YIPF1: variants seen among roughly 807,000 people sequenced by gnomAD.
YIPF1 encodes protein YIPF1.
YIPF1 carries 22 observed loss-of-function variants against 37.0 expected under a neutral mutation model. The ratio of observed to expected loss-of-function variants is 0.59; its 90% CI spans 0.42 to 0.85. The LOEUF (loss-of-function observed/expected upper bound fraction) is 0.85. Ranked by LOEUF, YIPF1 falls within the 40% of genes least tolerant of loss-of-function variation. The pLI, the probability that YIPF1 is intolerant of heterozygous loss-of-function variation, is 0.00. For synonymous variants in YIPF1, 128 were observed against 131.9 expected (o/e 0.97, Z 0.21); for missense variants, 355 against 373.1 (o/e 0.95, Z 0.40).
At chr1:53,885,689 T>G (rs1251065592) in intron 3 of YIPF1, among the ~76,000 whole-genome samples, 2 of 150,978 alleles carry the variant, frequency 1.3e-5, no homozygotes, top group Admixed American at 6.6e-5. Context: ...GGCATGTTGG[T>G]GGACACGTGT....
At chr1:53,865,502 G>A (rs1161570023) in intron 9 of YIPF1, among the ~76,000 whole-genome samples, 1 of 152,138 alleles carries the variant, frequency 6.6e-6, no homozygotes, top group Non-Finnish European at 1.5e-5. Flanking sequence ...ATGATGTAAA[G>A]CACATAGGAG....
intron 5 of YIPF1, 56 bp from the exon 6 acceptor site, chr1:53,878,458 A>G (rs1557609210): frequency 6.4e-7 from 1 of 1,572,556 alleles, no homozygotes; most frequent in East Asian, 2.2e-5. Context: ...AATAAATTCA[A>G]CTACTACAAA....
intron 4 of YIPF1, among the ~76,000 whole-genome samples, chr1:53,881,654 A>G (rs943905140): frequency 6.6e-6 from 1 of 152,244 alleles, no homozygotes; most frequent in African/African-American, 2.4e-5. Flanking sequence ...CAAAACCACA[A>G]TGAGACACCA....
At chr1:53,874,319 T>C (rs767168116) in intron 6 of YIPF1, among the ~76,000 whole-genome samples, 1 of 152,200 alleles carries the variant, frequency 6.6e-6, no homozygotes, top group Non-Finnish European at 1.5e-5. Context: ...ATTCCTACTC[T>C]TATTATGGGT....
At chr1:53,875,191 A>G (rs569202276) in intron 6 of YIPF1, among the ~76,000 whole-genome samples, 2 of 152,266 alleles carry the variant, frequency 1.3e-5, no homozygotes, top group East Asian at 1.9e-4. Flanking sequence ...GCCACACTTA[A>G]TATCAATGTT....
At chr1:53,876,396 A>G (rs566568707) in intron 6 of YIPF1, among the ~76,000 whole-genome samples, 10 of 152,156 alleles carry the variant, frequency 6.6e-5, no homozygotes, top group African/African-American at 2.4e-4. Context: ...TTTTCCTTAC[A>G]CTCTGTAAAT....
intron 6 of YIPF1, among the ~76,000 whole-genome samples, chr1:53,874,130 C>G (rs1000509654): frequency 4.6e-5 from 7 of 152,102 alleles, no homozygotes; most frequent in Admixed American, 3.3e-4. Context: ...CTTCACTGAA[C>G]CTCCACTGCT....
chr1:53,857,606 T>G (rs551992656), intron 10 of YIPF1, among the ~76,000 whole-genome samples: 1 of 152,288 alleles, frequency 6.6e-6, no homozygotes, highest in South Asian at 2.1e-4. Context: ...AGCCCAGATT[T>G]ACTCAGCCCA....
At position 53,871,426 on chromosome 1, in the gene YIPF1, A is replaced by G; in HGVS notation, c.427T>C (p.Phe143Leu). 6.2e-7 allele frequency: 1 copy of G among 1,614,162 alleles called. No individual in the cohort carries two copies. Among genetic ancestry groups the G allele is most frequent in the Non-Finnish European group, 8.5e-7 (1 of 1,179,996 alleles). Reference protein sequence around the residue: ...AIAISGNLSNFLIHLGEKTYH... With the variant: ...AIAISGNLSNLLIHLGEKTYH... ...GTCTTCTCTCCCAGATGGATCAAGA[A>G]GTTGGAAAGATTCCCACTAATTGCT... is the stretch of plus-strand genomic sequence containing the variant. Residue 143 changes from phenylalanine to leucine, a missense_variant, in exon 7 of 11, where the codon TTC (phenylalanine) becomes CTC (leucine). Transcript: ENST00000072644.
intron 4 of YIPF1, among the ~76,000 whole-genome samples, chr1:53,879,536 A>G (rs931738267): frequency 1.2e-4 from 18 of 152,246 alleles, no homozygotes; most frequent in African/African-American, 4.3e-4. Context: ...TATTGAGAAG[A>G]GGCACCTGAG....
At chr1:53,865,411 A>ATACAGT (rs1649992612) in intron 9 of YIPF1, among the ~76,000 whole-genome samples, 1 of 152,206 alleles carries the variant, frequency 6.6e-6, no homozygotes, top group African/African-American at 2.4e-5. Context: ...TGACAATAAA[A>ATACAGT]ATAATACACA....
chr1:53,858,540 T>C (rs551277220), intron 10 of YIPF1, among the ~76,000 whole-genome samples: 1 of 152,326 alleles, frequency 6.6e-6, no homozygotes, highest in East Asian at 1.9e-4. Flanking sequence ...TTATATAGTT[T>C]GTGTCATTCT....
rs548883383 is a variant in YIPF1, at chr1:53,876,033, A to G, written c.364+2282T>C. ...CTGCTGTATCTCCAGTACAATAGCA[A>G]GAGCTCAATGTTTGTTGAATGAATT... On this transcript the variant is annotated intron_variant, in intron 6 of 10. Transcript: ENST00000072644. Among the ~76,000 whole-genome samples the G allele has an allele frequency of 9.9e-5, 15 of 152,232 alleles. No homozygotes were observed. In the East Asian group the frequency reaches 2.9e-3, roughly 29 times the overall value.
chr1:53,882,999 T>C, intron 4 of YIPF1, 114 bp downstream of exon 4: 4 of 1,245,628 alleles, frequency 3.2e-6, no homozygotes, highest in Non-Finnish European at 4.3e-6. Flanking sequence ...CATGTGTCAT[T>C]TACCTCTGAG....
chr1:53,870,085 T>C (rs1323045814), intron 7 of YIPF1, among the ~76,000 whole-genome samples: 5 of 150,860 alleles, frequency 3.3e-5, no homozygotes, highest in Admixed American at 3.3e-4. Flanking sequence ...GGTCTCGAAC[T>C]CCTGACCTTG....
rs1157625690 is a variant in YIPF1, at chr1:53,866,337, T to C, written c.694A>G (p.Met232Val). 12 of 1,614,010 alleles carry C rather than the reference T, an allele frequency of 7.4e-6. No individual in the cohort carries two copies. The Admixed American group carries it at 1.8e-4, about 25-fold the overall frequency. ...PQKAVRWILV[M>V]IALGISGSLL... is the part of the protein sequence containing the mutation. ...GATCCTGAGATGCCCAGGGCAATCA[T>C]GACTAGAATCCAACGAACAGCTTTC... The change falls in exon 9 of 11, where the codon ATG becomes GTG. Residue 232 changes from methionine to valine, a missense_variant. Physicochemically the swap from Met to Val is conservative, Grantham distance 21 (BLOSUM62 1). Transcript: ENST00000072644.
intron 6 of YIPF1, among the ~76,000 whole-genome samples, chr1:53,874,232 A>C (rs1569634034): frequency 6.6e-6 from 1 of 151,524 alleles, no homozygotes; most frequent in African/African-American, 2.4e-5. Flanking sequence ...GGAAGGCTGG[A>C]CTCCAGAGAC....
chr1:53,888,988 TA>T lies in YIPF1; in HGVS notation c.-49-3del. On this transcript the variant is annotated splice_region_variant and splice_polypyrimidine_tract_variant and intron_variant, in intron 2 of 10. Coordinates refer to ENST00000072644, the MANE Select transcript of YIPF1 (RefSeq NM_018982.5). ...ATGAGGAAGAAAATTTGCAGGGTTCTAAAAGAAAAAAATAGGTAAACATAAT... is the reference window on the plus strand; with the variant it reads ...ATGAGGAAGAAAATTTGCAGGGTTCTAAAGAAAAAAATAGGTAAACATAAT... 6.4e-7 allele frequency: 1 copy of T among 1,551,962 alleles called. No individual in the cohort carries two copies. The highest frequency in any genetic ancestry group is 8.9e-7 in the Non-Finnish European group (1 of 1,127,162).
At chr1:53,872,483 T>G (rs1650218552) in intron 6 of YIPF1, among the ~76,000 whole-genome samples, 1 of 152,234 alleles carries the variant, frequency 6.6e-6, no homozygotes, top group Non-Finnish European at 1.5e-5. Flanking sequence ...GACCATGCTT[T>G]ACAAACCTCT....
Sources: allele counts gnomAD v4.1 joint callset (sites outside exome capture counted in the v4.1 genomes callset), GRCh38; gene constraint gnomAD v4.1.1; transcripts MANE v1.5; gene names NCBI Gene and HGNC (gene_info 2026-07-23, HGNC 2026-07-21).